The following SPMIP9 variants were observed in gnomAD, a reference collection of about 807,000 sequenced individuals.
SPMIP9 encodes the protein sperm microtubule inner protein 9.
chr2:88,527,149 C>T, the SPMIP9 span, among the ~76,000 whole-genome samples: 3 of 152,108 alleles, frequency 2.0e-5, no homozygotes, highest in Non-Finnish European at 4.4e-5. Flanking sequence ...ACTTACCCCT[C>T]CTCCCATCTC....
At chr2:88,527,188 C>A in the SPMIP9 span, among the ~76,000 whole-genome samples, 1 of 152,090 alleles carries the variant, frequency 6.6e-6, no homozygotes, top group Non-Finnish European at 1.5e-5. Context: ...CCCTTGTAGG[C>A]CAGGCACAGT....
At chr2:88,526,334 A>C in the SPMIP9 span, 4 of 1,212,458 alleles carry the variant, frequency 3.3e-6, no homozygotes, top group Admixed American at 3.4e-5. Flanking sequence ...AAACAGCAAG[A>C]AGCCATTGAA....
the SPMIP9 span, chr2:88,529,005 CTCT>C: frequency 6.4e-7 from 1 of 1,558,982 alleles, no homozygotes; most frequent in South Asian, 1.2e-5. Flanking sequence ...GCTACATCAT[CTCT>C]TGTCTCTCTC....
chr2:88,529,109 C>G, the SPMIP9 span: 8 of 1,614,064 alleles, frequency 5.0e-6, no homozygotes, highest in Non-Finnish European at 6.8e-6. Flanking sequence ...CATCCCTAAC[C>G]CCAACCCCAA....
chr2:88,525,692 T>C, the SPMIP9 span: 13 of 1,613,774 alleles, frequency 8.1e-6, no homozygotes, highest in Non-Finnish European at 1.1e-5. Flanking sequence ...TGGGTTTCTG[T>C]CCCCTGTGAC....
At chr2:88,526,369 G>T in the SPMIP9 span, 1 of 1,517,042 alleles carries the variant, frequency 6.6e-7, no homozygotes, top group Non-Finnish European at 9.2e-7. Context: ...GGAGTGACGA[G>T]GGAATCTCTT....
chr2:88,527,653 GT>G, the SPMIP9 span, among the ~76,000 whole-genome samples: 1 of 152,048 alleles, frequency 6.6e-6, no homozygotes, highest in African/African-American at 2.4e-5. Flanking sequence ...TACCGTATTT[GT>G]CGTTTCTGTA....
chr2:88,526,485 C>CA, the SPMIP9 span: 5 of 1,613,956 alleles, frequency 3.1e-6, no homozygotes, highest in Non-Finnish European at 4.2e-6. Flanking sequence ...ACTCCAGGGT[C>CA]ACGCCGCAAG....
the SPMIP9 span, among the ~76,000 whole-genome samples, chr2:88,527,539 T>C: frequency 3.3e-5 from 5 of 152,238 alleles, no homozygotes; most frequent in South Asian, 4.1e-4. Flanking sequence ...CTTTATTACA[T>C]ATTGGATTTG....
the SPMIP9 span, chr2:88,525,517 A>T: frequency 9.9e-7 from 1 of 1,014,002 alleles, no homozygotes; most frequent in African/African-American, 1.6e-5. Flanking sequence ...CCCAGGGAAG[A>T]TGGGGAGGAG....
the SPMIP9 span, among the ~76,000 whole-genome samples, chr2:88,526,826 G>A: frequency 3.7e-4 from 56 of 152,046 alleles, 2 homozygotes; most frequent in South Asian, 8.1e-3. Context: ...CTGCCACTGC[G>A]TCAGCTAATT....
At chr2:88,526,739 A>G in the SPMIP9 span, among the ~76,000 whole-genome samples, 1 of 151,896 alleles carries the variant, frequency 6.6e-6, no homozygotes, top group Non-Finnish European at 1.5e-5. Context: ...ATCTCGGCTC[A>G]CTACAACCTC....
chr2:88,525,582 G>T, the SPMIP9 span: 14 of 1,604,700 alleles, frequency 8.7e-6, no homozygotes, highest in African/African-American at 1.7e-4. Context: ...GAAGATAGTG[G>T]CTACTTTCCT....
At chr2:88,529,545 A>G in the SPMIP9 span, 1 of 1,327,678 alleles carries the variant, frequency 7.5e-7, no homozygotes, top group East Asian at 2.3e-5. Context: ...GAGTGCAGAG[A>G]GGAGAACTGA....
chr2:88,529,035 G>A, the SPMIP9 span: 1 of 1,601,988 alleles, frequency 6.2e-7, no homozygotes, highest in Middle Eastern at 1.7e-4. Flanking sequence ...CCATTCATGT[G>A]TGATTTGTTT....
the SPMIP9 span, among the ~76,000 whole-genome samples, chr2:88,527,046 T>A: frequency 6.6e-6 from 1 of 152,184 alleles, no homozygotes; most frequent in East Asian, 1.9e-4. Context: ...GAGTTAAAAT[T>A]ACACTGATAA....
chr2:88,529,130 G>A, the SPMIP9 span: 1 of 1,614,078 alleles, frequency 6.2e-7, no homozygotes, highest in African/African-American at 1.3e-5. Context: ...GCTAACAGAT[G>A]GGTACCCTGC....
the SPMIP9 span, chr2:88,529,229 C>T: frequency 4.5e-5 from 72 of 1,614,012 alleles, no homozygotes; most frequent in Middle Eastern, 1.6e-4. Flanking sequence ...GGAGGACGAG[C>T]GCAAGTTCAC....
the SPMIP9 span, among the ~76,000 whole-genome samples, chr2:88,528,095 TATTA>T: frequency 2.6e-5 from 4 of 152,100 alleles, no homozygotes; most frequent in African/African-American, 4.8e-5. Context: ...GTCTTTTTCT[TATTA>T]ATTTGTAGAC....
Sources: allele counts gnomAD v4.1 joint callset (sites outside exome capture counted in the v4.1 genomes callset), GRCh38; gene constraint gnomAD v4.1.1; transcripts MANE v1.5; gene names NCBI Gene and HGNC (gene_info 2026-07-23, HGNC 2026-07-21).